ZHX3: variants seen among roughly 807,000 people sequenced by gnomAD.
The protein encoded by ZHX3 is zinc fingers and homeoboxes protein 3.
Under a neutral mutation model 64.5 loss-of-function variants are expected in ZHX3, and 20 were observed. That is an observed-to-expected ratio of 0.31 (90% CI 0.22 to 0.45). The LOEUF (loss-of-function observed/expected upper bound fraction) is 0.45, where lower values mean the gene tolerates loss of function less well. Ranked by LOEUF, ZHX3 falls within the 20% of genes least tolerant of loss-of-function variation. ZHX3 has a pLI of 1.00. For synonymous variants in ZHX3, 423 were observed against 461.6 expected, an observed-to-expected ratio of 0.92 and a Z score of 1.07; for missense variants, 1,041 against 1,195.8, an observed-to-expected ratio of 0.87 and a Z score of 1.91.
rs1451787133 is a variant in ZHX3 at position 41,277,614 on chromosome 20, CAG to C, written c.-244-8533_-244-8532del. ...ATTTTTTTTTTCTTTTTTTTTGAGA[CAG>C]AGTCTCGCTCTGTCGCCCAGGTTGG... is the stretch of plus-strand genomic sequence containing the variant. On this transcript the variant is annotated intron_variant, in intron 1 of 3. Transcript: ENST00000683867. 3.3e-5 allele frequency among the ~76,000 whole-genome samples: 5 copies of C among 150,462 alleles called. No individual in the cohort carries two copies. In the South Asian group the frequency reaches 1.1e-3, roughly 32 times the overall value.
At chr20:41,238,992 CTTTTTTTT>C (rs36076017) in intron 2 of ZHX3, among the ~76,000 whole-genome samples, 2 of 86,326 alleles carry the variant, frequency 2.3e-5, no homozygotes, top group Non-Finnish European at 4.2e-5. Flanking sequence ...TTTTCTCTCT[CTTTTTTTT>C]TTTTTTTTTT....
chr20:41,266,989 C>T (rs148550494), intron 2 of ZHX3, among the ~76,000 whole-genome samples: 8 of 151,768 alleles, frequency 5.3e-5, no homozygotes, highest in African/African-American at 1.7e-4. Context: ...GGATTACAGG[C>T]GCCTGCCACC....
At chr20:41,295,595 G>A (rs953951604) in intron 1 of ZHX3, among the ~76,000 whole-genome samples, 9 of 152,166 alleles carry the variant, frequency 5.9e-5, no homozygotes, top group African/African-American at 1.7e-4. Flanking sequence ...AGCCAGGCGC[G>A]GTGGCTCACG....
chr20:41,235,900 G>A (rs1053215140), intron 2 of ZHX3, among the ~76,000 whole-genome samples: 8 of 152,130 alleles, frequency 5.3e-5, no homozygotes, highest in African/African-American at 1.9e-4. Context: ...ATCTCCTTAA[G>A]CTGATAAGCA....
At chr20:41,315,569 A>G (rs2045266512) in intron 1 of ZHX3, among the ~76,000 whole-genome samples, 1 of 152,046 alleles carries the variant, frequency 6.6e-6, no homozygotes, top group South Asian at 2.1e-4. Context: ...GGCAGGCCAC[A>G]GCAAGGCCTT....
chr20:41,290,466 T>G (rs2044176547), intron 1 of ZHX3: 1 of 152,248 alleles, frequency 6.6e-6, no homozygotes, highest in Admixed American at 6.5e-5. Context: ...AAACTCAGTG[T>G]GGACACCCGA....
In ZHX3 at chr20:41,212,471, C is replaced by T. The variant is rs2039227515; in HGVS notation, c.-150-7405G>A. Among the ~76,000 whole-genome samples, 2 of 152,096 alleles carry T rather than the reference C, an allele frequency of 1.3e-5. No homozygotes were observed. Among genetic ancestry groups the T allele is most frequent in the Non-Finnish European group, 2.9e-5 (2 of 68,010 alleles). Reference sequence around the variant, plus strand: ...ATAGCCACTTTGGAAAACTGTTTGGCAAACAAAATGTTAAATATAGAGTTG... The same window carrying T: ...ATAGCCACTTTGGAAAACTGTTTGGTAAACAAAATGTTAAATATAGAGTTG... On this transcript the variant is annotated intron_variant, in intron 2 of 3. Transcript: ENST00000683867. The surrounding 1 kb of genome is among the most constrained non-coding windows in gnomAD (Gnocchi z 4.3).
chr20:41,280,893 T>A lies in ZHX3; in HGVS notation c.-244-11810A>T, dbSNP rs714193. Among the ~76,000 whole-genome samples, 487 of 150,856 alleles carry A rather than the reference T, an allele frequency of 3.2e-3. 1 individual carries two copies. The highest frequency in any genetic ancestry group is 0.011 in the African/African-American group (445 of 41,100). ...CAATATGTCTAACCCTTTTTTTTTT[T>A]AAAGGAGAGGACAGAGGAAAAGAAA... On this transcript the variant is annotated intron_variant, in intron 1 of 3. Transcript: ENST00000683867.
intron 2 of ZHX3, among the ~76,000 whole-genome samples, chr20:41,239,026 G>A (rs1476872125): frequency 7.1e-5 from 9 of 125,994 alleles, no homozygotes; most frequent in African/African-American, 2.8e-4. Flanking sequence ...TTTGGGAGAC[G>A]GAGTCTTGCT....
intron 2 of ZHX3, among the ~76,000 whole-genome samples, chr20:41,249,611 TC>T (rs1347235245): frequency 6.6e-6 from 1 of 152,056 alleles, no homozygotes; most frequent in Admixed American, 6.6e-5. Context: ...GAGGCCTCCT[TC>T]CCCCAGTTCT....
chr20:41,192,673 A>C (rs1483031980), intron 3 of ZHX3, among the ~76,000 whole-genome samples: 1 of 152,242 alleles, frequency 6.6e-6, no homozygotes, highest in Non-Finnish European at 1.5e-5. Context: ...AACAGTCTGC[A>C]GTTCTCTTAC....
chr20:41,248,129 T>C (rs1359378466), intron 2 of ZHX3, among the ~76,000 whole-genome samples: 1 of 152,220 alleles, frequency 6.6e-6, no homozygotes, highest in Non-Finnish European at 1.5e-5. Flanking sequence ...GTCATCACTC[T>C]TCAGCTTTAC....
At chr20:41,289,138 T>C (rs1282581566) in intron 1 of ZHX3, among the ~76,000 whole-genome samples, 1 of 152,018 alleles carries the variant, frequency 6.6e-6, no homozygotes, top group African/African-American at 2.4e-5. Flanking sequence ...ACTATAGGCA[T>C]TCATGTCATG....
chr20:41,184,673 C>T lies in ZHX3; in HGVS notation c.*518G>A, dbSNP rs761370594. ...AAAGGGGGCACAAAGGGGTTCCAGA[C>T]GTAGCTTTGTGCCTATAACTTCCCT... On this transcript the variant is annotated 3_prime_UTR_variant, in exon 4 of 4. Transcript: ENST00000683867. 2.6e-5 allele frequency: 14 copies of T among 534,340 alleles called. No individual in the cohort carries two copies. Among genetic ancestry groups the T allele is most frequent in the Admixed American group, 1.7e-4 (5 of 30,222 alleles). The allele number at this position is 534,340 out of a possible 1,614,324, so 33.1% of individuals were successfully genotyped here. A position where few individuals can be genotyped will look rare whatever the true frequency, so the allele number is the denominator to read the frequency against.
At chr20:41,229,188 T>C (rs1332097334) in intron 2 of ZHX3, among the ~76,000 whole-genome samples, 1 of 152,208 alleles carries the variant, frequency 6.6e-6, no homozygotes, top group Non-Finnish European at 1.5e-5. Context: ...TTATAACTGA[T>C]CAATTTAACT....
intron 1 of ZHX3, among the ~76,000 whole-genome samples, chr20:41,293,747 T>C (rs997877114): frequency 6.6e-6 from 1 of 152,198 alleles, no homozygotes; most frequent in African/African-American, 2.4e-5. Flanking sequence ...ATCTTAAACC[T>C]GAAGAAGAGG....
intron 2 of ZHX3, among the ~76,000 whole-genome samples, chr20:41,244,808 T>C (rs375353024): frequency 1.3e-5 from 2 of 152,170 alleles, no homozygotes; most frequent in South Asian, 4.1e-4. Flanking sequence ...GAAATACTGA[T>C]GTGTGTTGTG....
intron 2 of ZHX3, among the ~76,000 whole-genome samples, chr20:41,256,374 T>G (rs1176757299): frequency 6.6e-6 from 1 of 151,356 alleles, no homozygotes; most frequent in Non-Finnish European, 1.5e-5. Flanking sequence ...TTGAGAATTT[T>G]TTTATATTCA....
intron 2 of ZHX3, among the ~76,000 whole-genome samples, chr20:41,258,012 G>A (rs1161121104): frequency 6.7e-6 from 1 of 149,922 alleles, no homozygotes; most frequent in Admixed American, 6.6e-5. Flanking sequence ...TGATTCTCCT[G>A]TCTCAGCCAC....
Sources: gnomAD v4.1 joint callset for allele counts (sites outside exome capture counted in the v4.1 genomes callset) on GRCh38, gnomAD v4.1.1 for gene constraint, Gnocchi (gnomAD v3.1) non-coding constraint, MANE v1.5 for transcripts, NCBI Gene and HGNC (gene_info 2026-07-23, HGNC 2026-07-21) for gene names.